STAT1: variants seen among roughly 807,000 people sequenced by gnomAD.
The protein encoded by STAT1 is signal transducer and activator of transcription 1.
Under a neutral mutation model 111.7 loss-of-function variants are expected in STAT1, and 24 were observed. That is an observed-to-expected ratio of 0.21 (90% CI 0.16 to 0.30). The LOEUF (loss-of-function observed/expected upper bound fraction) is 0.30. Among genes scored for constraint, STAT1 ranks in the 10% least tolerant of loss-of-function variants. The pLI is 1.00. For synonymous variants in STAT1, 332 were observed against 326.5 expected (o/e 1.02, Z -0.18); for missense variants, 351 against 911.9 (o/e 0.38, Z 7.92).
chr2:191,013,335 A>G (rs1019723884), intron 2 of STAT1, among the ~76,000 whole-genome samples, 190 bp downstream of exon 2: 1 of 152,188 alleles, frequency 6.6e-6, no homozygotes, highest in Non-Finnish European at 1.5e-5. Flanking sequence ...CATACCTACC[A>G]CAGAACTCTT....
In STAT1 at chr2:190,974,628, G is replaced by A. The variant is rs368603808; in HGVS notation, c.2238+202C>T. ...TTGTTTTTTGGAAGGTGCTGAATGC[G>A]AGGAATAAAAATCCCACTGATGATG... On this transcript the variant is annotated intron_variant, in intron 24 of 24. Coordinates refer to ENST00000361099, the MANE Select transcript of STAT1 (RefSeq NM_007315.4). This position sits in a 1 kb window ranked among gnomAD's most constrained non-coding sequence, Gnocchi z 4.8. 1.7e-4 allele frequency among the ~76,000 whole-genome samples: 26 copies of A among 152,330 alleles called. No individual in the cohort carries two copies. The South Asian group carries it at 5.4e-3, about 32-fold the overall frequency.
In STAT1 at chr2:191,004,738, A is replaced by C. The variant is rs1694550823; in HGVS notation, c.372+2825T>G. Among the ~76,000 whole-genome samples the C allele has an allele frequency of 6.6e-6, 1 of 152,216 alleles. No individual in the cohort carries two copies. The highest frequency in any genetic ancestry group is 1.5e-5 in the Non-Finnish European group (1 of 68,034). On this transcript the variant is annotated intron_variant, in intron 5 of 24. Coordinates refer to ENST00000361099, the MANE Select transcript of STAT1 (RefSeq NM_007315.4). This position sits in a 1 kb window ranked among gnomAD's most constrained non-coding sequence, Gnocchi z 5.0. ...TTACTCAAATGAAATAATGTTTATA[A>C]AGTGCTTAGCACAGGGCCTGAAACA...
intron 5 of STAT1, among the ~76,000 whole-genome samples, chr2:191,005,348 T>C (rs191998154): frequency 1.8e-4 from 27 of 152,326 alleles, no homozygotes; most frequent in African/African-American, 1.9e-4. Flanking sequence ...TACACAGTCA[T>C]GTACCACATA....
At position 191,000,991 on chromosome 2, in the gene STAT1, G is replaced by T; in HGVS notation, c.462+83C>A. On this transcript the variant is annotated intron_variant, in intron 6 of 24. Coordinates refer to ENST00000361099, the MANE Select transcript of STAT1 (RefSeq NM_007315.4). The surrounding 1 kb of genome is among the most constrained non-coding windows in gnomAD (Gnocchi z 4.8). ...TACTTAAAAGACTGAACTCAGTTACGAGGTTTACACCCCAAGCAATTGAAA... is the reference window on the plus strand; with the variant it reads ...TACTTAAAAGACTGAACTCAGTTACTAGGTTTACACCCCAAGCAATTGAAA... 8.8e-7 allele frequency: 1 copy of T among 1,140,930 alleles called. No homozygotes were observed. The highest frequency in any genetic ancestry group is 1.3e-6 in the Non-Finnish European group (1 of 751,666). 70.7% of individuals were successfully genotyped at this position (1,140,930 alleles called of 1,614,324 possible).
rs1308612635 is a variant in STAT1 at position 190,977,657 on chromosome 2, C to T, written c.1874-632G>A. ...TTCCAGAGGCCACGGTTCAGGTGTTCTGGGGAGCCTGCTGTGGAACATGAG... is the reference window on the plus strand; with the variant it reads ...TTCCAGAGGCCACGGTTCAGGTGTTTTGGGGAGCCTGCTGTGGAACATGAG... On this transcript the variant is annotated intron_variant, in intron 21 of 24. Transcript: ENST00000361099. This position sits in a 1 kb window ranked among gnomAD's most constrained non-coding sequence, Gnocchi z 4.7. 6.6e-6 allele frequency among the ~76,000 whole-genome samples: 1 copy of T among 152,126 alleles called. No individual in the cohort carries two copies. The highest frequency in any genetic ancestry group is 2.4e-5 in the African/African-American group (1 of 41,424).
Position 191,008,869 on chromosome 2 carries a change from A to G in STAT1, c.273+94T>C, listed in dbSNP as rs1257268265. On this transcript the variant is annotated intron_variant, in intron 4 of 24. Transcript: ENST00000361099. Reference sequence around the variant, plus strand: ...GTCTCTATTACTTCTCTAAATACCAATAAGTGTGTGCTCAATTGTATTTGC... The same window carrying G: ...GTCTCTATTACTTCTCTAAATACCAGTAAGTGTGTGCTCAATTGTATTTGC... 3.4e-5 allele frequency: 46 copies of G among 1,356,926 alleles called. 1 individual carries two copies. In the South Asian group the frequency reaches 4.4e-4, roughly 13 times the overall value. The allele number at this position is 1,356,926 out of a possible 1,614,324, so 84.1% of individuals were successfully genotyped here. A position where few individuals can be genotyped will look rare whatever the true frequency, so the allele number is the denominator to read the frequency against.
At position 191,012,313 on chromosome 2, in the gene STAT1, G is replaced by A. The variant is rs1695196489; in HGVS notation, c.-2+1212C>T. Reference sequence around the variant, plus strand: ...CACCTGTAGTCCCAACTACTCGTGAGGCTGAGGCAGGGGAATTGCTTGAAC... The same window carrying A: ...CACCTGTAGTCCCAACTACTCGTGAAGCTGAGGCAGGGGAATTGCTTGAAC... On this transcript the variant is annotated intron_variant, in intron 2 of 24. Transcript: ENST00000361099. The surrounding 1 kb of genome is among the most constrained non-coding windows in gnomAD (Gnocchi z 4.0). 6.6e-6 allele frequency among the ~76,000 whole-genome samples: 1 copy of A among 152,004 alleles called. No individual in the cohort carries two copies. Among genetic ancestry groups the A allele is most frequent in the African/African-American group, 2.4e-5 (1 of 41,398 alleles).
Position 190,970,751 on chromosome 2 carries a change from C to A in STAT1, c.2239-34G>T. ...AGACAAAATGTGGTTAAGTTTATTA[C>A]ACTGATCTTGTGAAATGCAGACTCA... On this transcript the variant is annotated intron_variant, in intron 24 of 24. Transcript: ENST00000361099. This position sits in a 1 kb window ranked among gnomAD's most constrained non-coding sequence, Gnocchi z 5.4. 1 of 1,602,714 alleles carries A rather than the reference C, an allele frequency of 6.2e-7. No homozygotes were observed. The highest frequency in any genetic ancestry group is 8.5e-7 in the Non-Finnish European group (1 of 1,170,266).
Position 191,001,170 on chromosome 2 carries a change from T to C in STAT1, c.373-7A>G, listed in dbSNP as rs1559021129. The C allele has an allele frequency of 1.1e-5, 17 of 1,610,788 alleles. No individual in the cohort carries two copies. In the South Asian group the frequency reaches 1.6e-4, roughly 16 times the overall value. ...GAATATTCCCCGACTGAGCCTGTAA[T>C]GGGAAGGGCATGATTATAGCCATCG... On this transcript the variant is annotated splice_region_variant and splice_polypyrimidine_tract_variant and intron_variant, in intron 5 of 24. Transcript: ENST00000361099.
chr2:190,979,039 C>G lies in STAT1; in HGVS notation c.1728-38G>C, dbSNP rs556189473. The G allele has an allele frequency of 6.2e-7, 1 of 1,613,308 alleles. No individual in the cohort carries two copies. The highest frequency in any genetic ancestry group is 1.1e-5 in the South Asian group (1 of 90,886). ...GAGATGGACGGATGGGCTTTTAGTT[C>G]AATCATGATTTCCATTTTCATGCTA... On this transcript the variant is annotated intron_variant, in intron 20 of 24. Transcript: ENST00000361099. This position sits in a 1 kb window ranked among gnomAD's most constrained non-coding sequence, Gnocchi z 5.8.
intron 2 of STAT1, among the ~76,000 whole-genome samples, chr2:191,013,266 A>G (rs1339293705): frequency 6.6e-6 from 1 of 152,218 alleles, no homozygotes; most frequent in Non-Finnish European, 1.5e-5. Flanking sequence ...TTTCTGTTCT[A>G]TGAAAATAAC....
rs1056263166 is a variant in STAT1 at position 190,996,126 on chromosome 2, A to C, written c.786-907T>G. On this transcript the variant is annotated intron_variant, in intron 9 of 24. Transcript: ENST00000361099. The surrounding 1 kb of genome is among the most constrained non-coding windows in gnomAD (Gnocchi z 4.5). ...GATGATTCTGGTTTCACTCAACTGA[A>C]AGGAGAAGGCAGTATGCTCAGTCTA... 2.3e-4 allele frequency among the ~76,000 whole-genome samples: 35 copies of C among 152,210 alleles called. No individual in the cohort carries two copies. Among genetic ancestry groups the C allele is most frequent in the African/African-American group, 8.2e-4 (34 of 41,450 alleles).
chr2:190,984,411 A>G lies in STAT1; in HGVS notation c.1264-18T>C. 1 of 1,597,286 alleles carries G rather than the reference A, an allele frequency of 6.3e-7. No individual in the cohort carries two copies. The highest frequency in any genetic ancestry group is 8.6e-7 in the Non-Finnish European group (1 of 1,164,938). Reference sequence around the variant, plus strand: ...AGAGGACCCTTGGAAGAGAAAAGGAAAGAAGAAAAGAATATAATTATTCAC... The same window carrying G: ...AGAGGACCCTTGGAAGAGAAAAGGAGAGAAGAAAAGAATATAATTATTCAC... On this transcript the variant is annotated intron_variant, in intron 15 of 24. Transcript: ENST00000361099. This position sits in a 1 kb window ranked among gnomAD's most constrained non-coding sequence, Gnocchi z 5.2.
At position 190,976,483 on chromosome 2, in the gene STAT1, A is replaced by T. The variant is rs192789520; in HGVS notation, c.2059+357T>A. Among the ~76,000 whole-genome samples, 1 of 152,306 alleles carries T rather than the reference A, an allele frequency of 6.6e-6. No individual in the cohort carries two copies. Among genetic ancestry groups the T allele is most frequent in the East Asian group, 1.9e-4 (1 of 5,192 alleles). On this transcript the variant is annotated intron_variant, in intron 22 of 24. Coordinates refer to ENST00000361099, the MANE Select transcript of STAT1 (RefSeq NM_007315.4). The surrounding 1 kb of genome is among the most constrained non-coding windows in gnomAD (Gnocchi z 6.0). Reference sequence around the variant, plus strand: ...TGGGCCACCCTAAATGAACCACTTCACTTCTCCCAGGCCTCAGTTTCCTCA... The same window carrying T: ...TGGGCCACCCTAAATGAACCACTTCTCTTCTCCCAGGCCTCAGTTTCCTCA...
chr2:191,002,820 T>G (rs77150750), intron 5 of STAT1, among the ~76,000 whole-genome samples: 3,364 of 152,290 alleles, frequency 0.022, 199 homozygotes, highest in Admixed American at 0.13. Flanking sequence ...ACCCATCAAT[T>G]CCTATCTTAT....
Position 190,983,699 on chromosome 2 carries a change from C to T in STAT1, c.1389G>A (p.Gln463=), listed in dbSNP as rs137852679. 1.9e-6 allele frequency: 3 copies of T among 1,614,170 alleles called. No homozygotes were observed. The highest frequency in any genetic ancestry group is 1.1e-5 in the South Asian group (1 of 91,084). ...LPVVVISNVS[Q]LPSGWASILW... ...GGATGGAGGCCCAACCGCTCGGGAGCTGGCTGACGTTGGAGATCACCACAA... is the reference window on the plus strand; with the variant it reads ...GGATGGAGGCCCAACCGCTCGGGAGTTGGCTGACGTTGGAGATCACCACAA... The change falls in exon 17 of 25, where the codon CAG becomes CAA. Residue 463 remains glutamine, a synonymous_variant. Transcript: ENST00000361099. The surrounding 1 kb of genome is among the most constrained non-coding windows in gnomAD (Gnocchi z 5.7).
rs2125044367 is a variant in STAT1, at chr2:190,989,818, G to T, written c.1038-144C>A. 2 of 634,262 alleles carry T rather than the reference G, an allele frequency of 3.2e-6. No homozygotes were observed. Among genetic ancestry groups the T allele is most frequent in the African/African-American group, 3.7e-5 (2 of 54,026 alleles). The allele number at this position is 634,262 out of a possible 1,614,324, so 39.3% of individuals were successfully genotyped here. On this transcript the variant is annotated intron_variant, in intron 11 of 24. Coordinates refer to ENST00000361099, the MANE Select transcript of STAT1 (RefSeq NM_007315.4). This position sits in a 1 kb window ranked among gnomAD's most constrained non-coding sequence, Gnocchi z 5.0. ...CAACAAAAAAACTGACAGTTTTGTA[G>T]ATCTACTTAAATTTTTGTAAGTGTA... is the stretch of plus-strand genomic sequence containing the variant.
In STAT1 at chr2:191,007,087, C is replaced by CT. The variant is rs1489263111; in HGVS notation, c.372+475dup. Among the ~76,000 whole-genome samples the CT allele has an allele frequency of 6.6e-6, 1 of 152,190 alleles. No homozygotes were observed. The highest frequency in any genetic ancestry group is 1.5e-5 in the Non-Finnish European group (1 of 68,040). On this transcript the variant is annotated intron_variant, in intron 5 of 24. Coordinates refer to ENST00000361099, the MANE Select transcript of STAT1 (RefSeq NM_007315.4). This position sits in a 1 kb window ranked among gnomAD's most constrained non-coding sequence, Gnocchi z 4.2. ...CTAATCCTTCAACATAAGGATCCTT[C>CT]TATATTGGTATCACATCCAAAGCAT...
At position 190,976,695 on chromosome 2, in the gene STAT1, CA is replaced by C; in HGVS notation, c.2059+144del. The C allele has an allele frequency of 1.4e-6, 1 of 710,744 alleles. No homozygotes were observed. Among genetic ancestry groups the C allele is most frequent in the Non-Finnish European group, 2.5e-6 (1 of 395,294 alleles). The allele number at this position is 710,744 out of a possible 1,614,324, so 44.0% of individuals were successfully genotyped here. ...TCAGGCCAAATAATGCATTATGTTT[CA>C]CCTGCACTGAGTTTATGCCATCTTT... On this transcript the variant is annotated intron_variant, in intron 22 of 24. Transcript: ENST00000361099. The surrounding 1 kb of genome is among the most constrained non-coding windows in gnomAD (Gnocchi z 6.0).
Sources: allele counts gnomAD v4.1 joint callset (sites outside exome capture counted in the v4.1 genomes callset), GRCh38; gene constraint gnomAD v4.1.1; non-coding constraint Gnocchi (gnomAD v3.1); transcripts MANE v1.5; gene names NCBI Gene and HGNC (gene_info 2026-07-23, HGNC 2026-07-21).